FBXW4: variants seen among roughly 807,000 people sequenced by gnomAD.
The protein encoded by FBXW4 is F-box and WD repeat domain containing 4.
A neutral mutation model predicts 61.8 loss-of-function variants in FBXW4; 40 were observed. The observed-to-expected ratio is 0.65, with a 90% CI of 0.50 to 0.84. The LOEUF (loss-of-function observed/expected upper bound fraction) is 0.84, where lower values mean the gene tolerates loss of function less well. Ranked by LOEUF, FBXW4 falls within the 40% of genes least tolerant of loss-of-function variation. The probability of loss-of-function intolerance (pLI) is 0.00; values close to 1 mark genes in which losing one functional copy is unlikely to be tolerated. For missense variants in FBXW4, 672 were observed against 753.8 expected (o/e 0.89, Z 1.27); for synonymous variants, 311 against 313.8 (o/e 0.99, Z 0.10).
chr10:101,614,126 T>C (rs1447009306), intron 6 of FBXW4, among the ~76,000 whole-genome samples: 1 of 152,226 alleles, frequency 6.6e-6, no homozygotes, highest in Non-Finnish European at 1.5e-5. Context: ...ACTGGGTGCA[T>C]GCTGGGTAGG....
Position 101,635,152 on chromosome 10 carries a change from G to A in FBXW4, c.1236-10342C>T, listed in dbSNP as rs1431226296. 4.0e-5 allele frequency among the ~76,000 whole-genome samples: 6 copies of A among 149,062 alleles called. 1 individual carries two copies. The highest frequency in any genetic ancestry group is 2.5e-5 in the African/African-American group (1 of 39,702). ...CAGGGGTAGCATTAGATTCTCATAGGAGCACAAACCCTATTGTGAACTGCA... is the reference window on the plus strand; with the variant it reads ...CAGGGGTAGCATTAGATTCTCATAGAAGCACAAACCCTATTGTGAACTGCA... On this transcript the variant is annotated intron_variant, in intron 5 of 8. Coordinates refer to ENST00000331272, the MANE Select transcript of FBXW4 (RefSeq NM_022039.4).
intron 3 of FBXW4, 75 bp from the exon 4 acceptor site, chr10:101,673,122 C>T (rs2064374138): frequency 1.7e-5 from 27 of 1,544,584 alleles, no homozygotes; most frequent in Non-Finnish European, 2.3e-5. Context: ...TCTCCAGAAA[C>T]AGCCCAAGTC....
chr10:101,668,092 C>T lies in FBXW4; in HGVS notation c.1141-112G>A, dbSNP rs1392981174. On this transcript the variant is annotated intron_variant, in intron 4 of 8. Transcript: ENST00000331272. Reference sequence around the variant, plus strand: ...GTGGAGAAATGGGGAATCCTTTATGCCCTGCACACACAGAGCTCAGGTATC... The same window carrying T: ...GTGGAGAAATGGGGAATCCTTTATGTCCTGCACACACAGAGCTCAGGTATC... 1.3e-5 allele frequency: 10 copies of T among 792,124 alleles called. No individual in the cohort carries two copies. The East Asian group carries it at 2.3e-4, about 18-fold the overall frequency. The allele number at this position is 792,124 out of a possible 1,614,324, so 49.1% of individuals were successfully genotyped here. A position where few individuals can be genotyped will look rare whatever the true frequency, so the allele number is the denominator to read the frequency against.
At chr10:101,645,496 CCT>C (rs1412288810) in intron 5 of FBXW4, among the ~76,000 whole-genome samples, 3 of 152,348 alleles carry the variant, frequency 2.0e-5, no homozygotes, top group African/African-American at 7.2e-5. Context: ...ACACAGGCTG[CCT>C]CCCTGGGACA....
chr10:101,620,102 A>G (rs1362946446), intron 6 of FBXW4, among the ~76,000 whole-genome samples: 3 of 152,142 alleles, frequency 2.0e-5, no homozygotes, highest in African/African-American at 7.2e-5. Context: ...CATAAAAGAG[A>G]AAATCCAGGC....
chr10:101,663,950 G>A (rs2134879682), intron 5 of FBXW4, among the ~76,000 whole-genome samples: 1 of 152,310 alleles, frequency 6.6e-6, no homozygotes. Context: ...GGGTAGAAGG[G>A]TATGCGAGAG....
intron 5 of FBXW4, among the ~76,000 whole-genome samples, chr10:101,638,994 T>C (rs1271852495): frequency 2.0e-5 from 3 of 152,236 alleles, no homozygotes; most frequent in Non-Finnish European, 2.9e-5. Flanking sequence ...ACTGTATCTA[T>C]GTACACAATA....
rs138797501 is a variant in FBXW4 at position 101,656,714 on chromosome 10, G to A, written c.1235+11172C>T. Among the ~76,000 whole-genome samples, 3 of 152,302 alleles carry A rather than the reference G, an allele frequency of 2.0e-5. No individual in the cohort carries two copies. The East Asian group carries it at 5.8e-4, about 29-fold the overall frequency. On this transcript the variant is annotated intron_variant, in intron 5 of 8. Transcript: ENST00000331272. ...GGAAGGAGCGGAGGAAGAGGCAGCA[G>A]GGCAAGCTAAGCAGGCCCAGAGACG... is the stretch of plus-strand genomic sequence containing the variant.
At chr10:101,643,899 T>C (rs1173090437) in intron 5 of FBXW4, among the ~76,000 whole-genome samples, 1 of 152,200 alleles carries the variant, frequency 6.6e-6, no homozygotes, top group Non-Finnish European at 1.5e-5. Context: ...TCCTCAAAGC[T>C]AAAATGATTT....
At chr10:101,633,702 T>C (rs558336365) in intron 5 of FBXW4, among the ~76,000 whole-genome samples, 6 of 152,330 alleles carry the variant, frequency 3.9e-5, no homozygotes, top group South Asian at 4.1e-4. Context: ...AGTGTTATTA[T>C]ATACCAGCAA....
chr10:101,643,447 G>GGC (rs2134848317), intron 5 of FBXW4, among the ~76,000 whole-genome samples: 1 of 152,342 alleles, frequency 6.6e-6, no homozygotes, highest in Non-Finnish European at 1.5e-5. Context: ...TTGCTGAGAA[G>GGC]GCACACACAC....
chr10:101,668,583 G>A (rs1177299075), intron 4 of FBXW4, among the ~76,000 whole-genome samples: 1 of 152,152 alleles, frequency 6.6e-6, no homozygotes, highest in Non-Finnish European at 1.5e-5. Flanking sequence ...AACACCTAGT[G>A]TCACCAAAAG....
At chr10:101,663,532 C>A (rs2064265289) in intron 5 of FBXW4, among the ~76,000 whole-genome samples, 1 of 151,976 alleles carries the variant, frequency 6.6e-6, no homozygotes, top group African/African-American at 2.4e-5. Context: ...CTGCTCACAC[C>A]TGTAATCTCA....
At chr10:101,650,105 C>T (rs1052062477) in intron 5 of FBXW4, among the ~76,000 whole-genome samples, 3 of 152,206 alleles carry the variant, frequency 2.0e-5, no homozygotes, top group Admixed American at 6.5e-5. Context: ...ACCCAGAACC[C>T]ATCCCCAAGC....
intron 5 of FBXW4, among the ~76,000 whole-genome samples, chr10:101,645,766 A>G (rs2064090776): frequency 6.6e-6 from 1 of 152,214 alleles, no homozygotes; most frequent in Non-Finnish European, 1.5e-5. Flanking sequence ...GAAACAATTC[A>G]AGATAATCAA....
chr10:101,669,840 C>T (rs572361476), intron 4 of FBXW4, among the ~76,000 whole-genome samples: 3 of 151,926 alleles, frequency 2.0e-5, no homozygotes, highest in Admixed American at 6.6e-5. Flanking sequence ...CTGCAAGCTC[C>T]GCCTCCTGGG....
intron 4 of FBXW4, 121 bp downstream of exon 4, chr10:101,672,794 G>T: frequency 1.7e-6 from 2 of 1,194,712 alleles, no homozygotes; most frequent in Non-Finnish European, 2.3e-6. Flanking sequence ...GTCCTTTATT[G>T]TGTCGTTTTC....
At chr10:101,636,840 C>T (rs1191948501) in intron 5 of FBXW4, among the ~76,000 whole-genome samples, 2 of 151,990 alleles carry the variant, frequency 1.3e-5, no homozygotes, top group African/African-American at 2.4e-5. Context: ...CCACCTGCTT[C>T]GGCCTCCCAA....
At chr10:101,678,226 C>T (rs1239336737) in intron 1 of FBXW4, among the ~76,000 whole-genome samples, 4 of 152,120 alleles carry the variant, frequency 2.6e-5, no homozygotes, top group Non-Finnish European at 2.9e-5. Context: ...AGCTCTAAGC[C>T]CCTTACAGAG....
Sources: allele counts gnomAD v4.1 joint callset (sites outside exome capture counted in the v4.1 genomes callset), GRCh38; gene constraint gnomAD v4.1.1; transcripts MANE v1.5; gene names NCBI Gene and HGNC (gene_info 2026-07-23, HGNC 2026-07-21).